Variants in PCDHAC2 observed in about 807,000 individuals in gnomAD.
The protein encoded by PCDHAC2 is protocadherin alpha subfamily C, 2.
In PCDHAC2, 24 loss-of-function variants were observed where a neutral mutation model predicts 63.3. The observed-to-expected ratio is 0.38, with a 90% CI of 0.27 to 0.53. The LOEUF (loss-of-function observed/expected upper bound fraction) is 0.53, where lower values mean the gene tolerates loss of function less well. Ranked by LOEUF, PCDHAC2 falls within the 20% of genes least tolerant of loss-of-function variation. PCDHAC2 has a pLI of 0.81. For synonymous variants in PCDHAC2, 569 were observed against 529.4 expected (o/e 1.07, Z -1.03); for missense variants, 1,181 against 1,275.2 (o/e 0.93, Z 1.12).
At chr5:141,009,285 T>C (rs1554262099) in intron 3 of PCDHAC2, among the ~76,000 whole-genome samples, 1 of 152,106 alleles carries the variant, frequency 6.6e-6, no homozygotes, top group African/African-American at 2.4e-5. Context: ...TGAGATCCCA[T>C]TTCTATAAAA....
At chr5:141,005,632 G>C (rs2098225457) in intron 3 of PCDHAC2, among the ~76,000 whole-genome samples, 2 of 148,162 alleles carry the variant, frequency 1.3e-5, no homozygotes, top group Non-Finnish European at 3.0e-5. Context: ...AACCCGGGAG[G>C]CGGAGCTTGC....
intron 3 of PCDHAC2, among the ~76,000 whole-genome samples, chr5:140,986,987 G>A (rs1269328331): frequency 2.6e-5 from 4 of 152,114 alleles, no homozygotes; most frequent in Non-Finnish European, 4.4e-5. Flanking sequence ...GCCAAGGCAG[G>A]CAGATCACTT....
intron 3 of PCDHAC2, among the ~76,000 whole-genome samples, chr5:140,997,109 G>A (rs1293025484): frequency 1.3e-5 from 2 of 152,022 alleles, no homozygotes; most frequent in Non-Finnish European, 2.9e-5. Flanking sequence ...ATGCACTCCT[G>A]CTCTCCCACA....
chr5:141,009,060 G>C (rs1192687086), intron 3 of PCDHAC2, among the ~76,000 whole-genome samples: 4 of 152,176 alleles, frequency 2.6e-5, no homozygotes, highest in Non-Finnish European at 5.9e-5. Context: ...AATCACAACT[G>C]TATTCTTTAG....
Position 140,969,331 on chromosome 5 carries a change from G to A in PCDHAC2, c.2565G>A (p.Glu855=). Reference sequence around the variant, plus strand: ...AAAATGAGGCTGTTTCTCAAAATGAGGTGAGACAGTGGTCAGGGGGTCTTC... The same window carrying A: ...AAAATGAGGCTGTTTCTCAAAATGAAGTGAGACAGTGGTCAGGGGGTCTTC... ...ILKNEAVSQN[E]PRQPNPDWRY... The change falls in exon 1 of 4, where the codon GAG becomes GAA. Residue 855 remains glutamate, a splice_region_variant and synonymous_variant. Coordinates refer to ENST00000289269, the MANE Select transcript of PCDHAC2 (RefSeq NM_018899.6). 1 of 1,614,042 alleles carries A rather than the reference G, an allele frequency of 6.2e-7. No homozygotes were observed. The highest frequency in any genetic ancestry group is 8.5e-7 in the Non-Finnish European group (1 of 1,179,982).
At position 141,011,517 on chromosome 5, in the gene PCDHAC2, T is replaced by C. The variant is rs1397450262; in HGVS notation, c.*1580T>C. 2.6e-5 allele frequency: 4 copies of C among 153,768 alleles called. No individual in the cohort carries two copies. The highest frequency in any genetic ancestry group is 5.9e-5 in the Non-Finnish European group (4 of 68,028). The allele number at this position is 153,768 out of a possible 1,614,324, so 9.5% of individuals were successfully genotyped here. On this transcript the variant is annotated 3_prime_UTR_variant, in exon 4 of 4. Transcript: ENST00000289269. Reference sequence around the variant, plus strand: ...ACCTGTGAAAAAGTGGAGTAGTGTTTTTTTAACCATTGTTAATCAGCTTTT... The same window carrying C: ...ACCTGTGAAAAAGTGGAGTAGTGTTCTTTTAACCATTGTTAATCAGCTTTT...
chr5:140,998,679 C>G (rs969303770), intron 3 of PCDHAC2, among the ~76,000 whole-genome samples: 1 of 152,136 alleles, frequency 6.6e-6, no homozygotes, highest in Non-Finnish European at 1.5e-5. Flanking sequence ...ATTCTCCTGC[C>G]TCAGCCTCCC....
At chr5:141,000,410 TATATATATATA>T (rs1554257433) in intron 3 of PCDHAC2, among the ~76,000 whole-genome samples, 1 of 101,972 alleles carries the variant, frequency 9.8e-6, no homozygotes, top group Non-Finnish European at 2.0e-5. Context: ...TATATATATA[TATATATATATA>T]TTTTTTTTTT....
chr5:140,971,184 A>C (rs1431296656), intron 1 of PCDHAC2, among the ~76,000 whole-genome samples: 1 of 152,188 alleles, frequency 6.6e-6, no homozygotes, highest in African/African-American at 2.4e-5. Context: ...TGTAAGCCGG[A>C]AGCTCAGAGG....
chr5:140,982,526 T>A lies in PCDHAC2; in HGVS notation c.2676T>A (p.Pro892=). Residue 892 remains proline (P), a synonymous_variant, in exon 3 of 4, where the codon CCT becomes CCA. Coordinates refer to ENST00000289269, the MANE Select transcript of PCDHAC2 (RefSeq NM_018899.6). ...TTCTACGGGCTGGTCCAGGAGGGCC[T>A]GATCAGCAGTGGCCAACAGTATCCA... ...AGILRAGPGG[P]DQQWPTVSSA... is the part of the protein sequence containing the mutation. 1.2e-6 allele frequency: 2 copies of A among 1,614,192 alleles called. No individual in the cohort carries two copies. Among genetic ancestry groups the A allele is most frequent in the Non-Finnish European group, 1.7e-6 (2 of 1,180,028 alleles).
At chr5:140,983,457 G>A (rs1354592991) in intron 3 of PCDHAC2, among the ~76,000 whole-genome samples, 4 of 152,182 alleles carry the variant, frequency 2.6e-5, no homozygotes, top group Non-Finnish European at 4.4e-5. Flanking sequence ...TCTATTAATA[G>A]AACATCATGA....
At chr5:140,999,398 A>G (rs17119351) in intron 3 of PCDHAC2, among the ~76,000 whole-genome samples, 13,435 of 152,202 alleles carry the variant, frequency 0.088, 686 homozygotes, top group African/African-American at 0.14. Flanking sequence ...TTTGTTTTGC[A>G]TATGAAAGAA....
rs374310490 is a variant in PCDHAC2 at position 140,967,401 on chromosome 5, G to T, written c.635G>T (p.Arg212Leu). The T allele has an allele frequency of 1.2e-6, 2 of 1,611,944 alleles. No homozygotes were observed. Among genetic ancestry groups the T allele is most frequent in the Non-Finnish European group, 1.7e-6 (2 of 1,178,670 alleles). ...AGTAAAGTGCTTGAGCTGGTGCTGC[G>T]TAAGGGCCTAGACCGGGAGCAGGCA... ...ENSKVLELVL[R>L]KGLDREQAAL... is the part of the protein sequence containing the mutation. The change falls in exon 1 of 4, where the codon CGT becomes CTT. Residue 212 changes from arginine to leucine, a missense_variant. Physicochemically the swap from Arg to Leu is moderately radical, Grantham distance 102 (BLOSUM62 -2). Coordinates refer to ENST00000289269, the MANE Select transcript of PCDHAC2 (RefSeq NM_018899.6).
chr5:141,000,416 TATA>T lies in PCDHAC2; in HGVS notation c.2714-9210_2714-9208del, dbSNP rs1254571264. Among the ~76,000 whole-genome samples the T allele has an allele frequency of 5.1e-3, 472 of 93,246 alleles. 2 individuals carry two copies. Among genetic ancestry groups the T allele is most frequent in the Non-Finnish European group, 6.8e-3 (330 of 48,634 alleles). 61.2% of individuals were successfully genotyped at this position (93,246 alleles called of 152,430 possible). On this transcript the variant is annotated intron_variant, in intron 3 of 3. Transcript: ENST00000289269. ...CTCTCTATATATATATATATATATA[TATA>T]TATTTTTTTTTTTTTTTTTTTTTTT...
intron 1 of PCDHAC2, among the ~76,000 whole-genome samples, chr5:140,975,842 T>C (rs1291239014): frequency 1.3e-5 from 2 of 152,210 alleles, no homozygotes; most frequent in Non-Finnish European, 2.9e-5. Context: ...TATTCTTCAG[T>C]AATACTACAT....
At chr5:140,970,139 A>G (rs1433151291) in intron 1 of PCDHAC2, among the ~76,000 whole-genome samples, 3 of 152,124 alleles carry the variant, frequency 2.0e-5, no homozygotes, top group Non-Finnish European at 4.4e-5. Flanking sequence ...AGAAGGGAAA[A>G]AGAATTCTCC....
chr5:140,990,296 T>C (rs1231552034), intron 3 of PCDHAC2, among the ~76,000 whole-genome samples: 12 of 152,300 alleles, frequency 7.9e-5, no homozygotes, highest in African/African-American at 2.9e-4. Flanking sequence ...ATCGATGCCA[T>C]TGTCTGTAAA....
chr5:140,974,534 G>A (rs929112962), intron 1 of PCDHAC2, among the ~76,000 whole-genome samples: 4 of 151,974 alleles, frequency 2.6e-5, no homozygotes, highest in Admixed American at 1.3e-4. Flanking sequence ...TTTTTGAGAC[G>A]GAGTTTTGCT....
chr5:141,000,367 C>G (rs1158701279), intron 3 of PCDHAC2, among the ~76,000 whole-genome samples: 1 of 18,506 alleles, frequency 5.4e-5, no homozygotes, highest in Admixed American at 6.5e-4. Flanking sequence ...CTCTGTCTCT[C>G]TCTCTCTCTC....
Sources: allele counts gnomAD v4.1 joint callset (sites outside exome capture counted in the v4.1 genomes callset), GRCh38; gene constraint gnomAD v4.1.1; transcripts MANE v1.5; gene names NCBI Gene and HGNC (gene_info 2026-07-23, HGNC 2026-07-21).